The following STXBP6 variants were observed in gnomAD, a reference collection of about 807,000 sequenced individuals.
The protein encoded by STXBP6 is syntaxin-binding protein 6.
Under a neutral mutation model 26.9 loss-of-function variants are expected in STXBP6, and 21 were observed. That is an observed-to-expected ratio of 0.78 (90% confidence interval 0.55 to 1.12). The LOEUF is 1.12. STXBP6 is among the 50% of genes most tolerant of loss of function. The probability of loss-of-function intolerance (pLI) is 0.00; values close to 1 mark genes in which losing one functional copy is unlikely to be tolerated. For synonymous variants in STXBP6, 97 were observed against 92.6 expected (o/e 1.05, Z -0.27); for missense variants, 232 against 257.9 (o/e 0.90, Z 0.69).
chr14:24,826,012 TTG>T (rs1179934676), intron 4 of STXBP6, among the ~76,000 whole-genome samples: 1 of 147,894 alleles, frequency 6.8e-6, no homozygotes, highest in Non-Finnish European at 1.5e-5. Flanking sequence ...GGCTCTAAAT[TTG>T]GTAAAACAGA....
intron 2 of STXBP6, among the ~76,000 whole-genome samples, chr14:24,940,064 A>G: frequency 6.6e-6 from 1 of 152,208 alleles, no homozygotes; most frequent in Non-Finnish European, 1.5e-5. Context: ...TTTTTGAGAA[A>G]TCTGATATAT....
intron 2 of STXBP6, among the ~76,000 whole-genome samples, chr14:24,942,100 G>C (rs2072824627): frequency 1.3e-5 from 2 of 152,194 alleles, no homozygotes; most frequent in African/African-American, 4.8e-5. Flanking sequence ...CTTGTAAAAA[G>C]CAATGATTCA....
intron 1 of STXBP6, among the ~76,000 whole-genome samples, chr14:25,044,960 C>T (rs79158371): frequency 0.3 from 46,217 of 151,972 alleles, 7,057 homozygotes; most frequent in Non-Finnish European, 0.31. Context: ...TGGAGACTTT[C>T]TTAGCCACTA....
At chr14:24,929,242 AAGG>A (rs2072292537) in intron 2 of STXBP6, among the ~76,000 whole-genome samples, 2 of 152,242 alleles carry the variant, frequency 1.3e-5, no homozygotes, top group Admixed American at 1.3e-4. Context: ...TTCTAAAATC[AAGG>A]AGTTCTCAGA....
intron 1 of STXBP6, among the ~76,000 whole-genome samples, chr14:25,036,214 CA>C (rs559433301): frequency 0.022 from 1,740 of 80,690 alleles, 25 homozygotes; most frequent in East Asian, 0.1. Flanking sequence ...AAGACTCCAT[CA>C]AAAAAAAAAA....
At chr14:24,901,004 G>A (rs112863930) in intron 2 of STXBP6, among the ~76,000 whole-genome samples, 1 of 152,140 alleles carries the variant, frequency 6.6e-6, no homozygotes, top group Non-Finnish European at 1.5e-5. Context: ...GTTACCGCTG[G>A]ACAGACTAAG....
intron 2 of STXBP6, among the ~76,000 whole-genome samples, chr14:24,945,753 A>G (rs941367892): frequency 6.6e-6 from 1 of 152,202 alleles, no homozygotes; most frequent in African/African-American, 2.4e-5. Flanking sequence ...AGCATCAACT[A>G]TGTGCTAGGC....
intron 1 of STXBP6, among the ~76,000 whole-genome samples, chr14:24,983,388 C>T (rs1045511275): frequency 6.6e-6 from 1 of 152,158 alleles, no homozygotes; most frequent in Non-Finnish European, 1.5e-5. Context: ...CAAATCTATT[C>T]CAACCATGTT....
Position 24,985,971 on chromosome 14 carries a change from T to C in STXBP6, c.-32-11121A>G, listed in dbSNP as rs549029532. 2.0e-5 allele frequency among the ~76,000 whole-genome samples: 3 copies of C among 152,306 alleles called. No individual in the cohort carries two copies. In the East Asian group the frequency reaches 5.8e-4, roughly 29 times the overall value. ...AACCAATATTAGGGCTAAATATTGC[T>C]CTCGACTTTTTTAAGTAAAAAACAG... On this transcript the variant is annotated intron_variant, in intron 1 of 5. Coordinates refer to ENST00000323944, the MANE Select transcript of STXBP6 (RefSeq NM_001394410.1).
chr14:24,984,958 G>C (rs1008713063), intron 1 of STXBP6, among the ~76,000 whole-genome samples: 1 of 152,164 alleles, frequency 6.6e-6, no homozygotes, highest in African/African-American at 2.4e-5. Flanking sequence ...GGAAAGGTGA[G>C]GCTGGAATGC....
chr14:24,966,984 G>A (rs2073754229), intron 2 of STXBP6, among the ~76,000 whole-genome samples: 2 of 152,202 alleles, frequency 1.3e-5, no homozygotes, highest in Admixed American at 6.5e-5. Flanking sequence ...GAGAGGGTAA[G>A]AAAAGGCGTT....
At chr14:25,004,998 C>T (rs998582892) in intron 1 of STXBP6, among the ~76,000 whole-genome samples, 1 of 152,182 alleles carries the variant, frequency 6.6e-6, no homozygotes, top group Admixed American at 6.5e-5. Flanking sequence ...GTCTTTACTG[C>T]TCTCACTTAC....
chr14:24,966,060 T>A (rs1175656266), intron 2 of STXBP6, among the ~76,000 whole-genome samples: 2 of 152,160 alleles, frequency 1.3e-5, no homozygotes, highest in Non-Finnish European at 2.9e-5. Flanking sequence ...AAAACGAACA[T>A]AAGTGAGTGA....
At chr14:24,873,696 C>T (rs1037820129) in intron 2 of STXBP6, among the ~76,000 whole-genome samples, 1 of 152,172 alleles carries the variant, frequency 6.6e-6, no homozygotes, top group Non-Finnish European at 1.5e-5. Context: ...TAGTGTTGGA[C>T]AACAACCACT....
intron 2 of STXBP6, among the ~76,000 whole-genome samples, chr14:24,881,205 T>C (rs1054963796): frequency 2.0e-5 from 3 of 152,042 alleles, no homozygotes; most frequent in African/African-American, 4.8e-5. Flanking sequence ...GGGCCACTAA[T>C]TGAAGGGTAA....
At chr14:24,918,424 T>G (rs1193361145) in intron 2 of STXBP6, among the ~76,000 whole-genome samples, 1 of 146,702 alleles carries the variant, frequency 6.8e-6, no homozygotes, top group African/African-American at 2.5e-5. Flanking sequence ...TAAAAAGAGG[T>G]GATTATTTCT....
At chr14:25,023,440 T>G (rs1450925003) in intron 1 of STXBP6, among the ~76,000 whole-genome samples, 1 of 152,246 alleles carries the variant, frequency 6.6e-6, no homozygotes, top group East Asian at 1.9e-4. Flanking sequence ...CTTCCCAATT[T>G]ATTTTTAAGA....
chr14:24,994,421 T>C (rs1233303891), intron 1 of STXBP6, among the ~76,000 whole-genome samples: 2 of 152,196 alleles, frequency 1.3e-5, no homozygotes, highest in African/African-American at 4.8e-5. Context: ...TTCTCCCTCA[T>C]GCACCAAGCT....
intron 2 of STXBP6, among the ~76,000 whole-genome samples, chr14:24,874,100 G>A (rs1483315127): frequency 2.0e-5 from 3 of 152,044 alleles, no homozygotes; most frequent in Non-Finnish European, 4.4e-5. Flanking sequence ...TTAAGTAACG[G>A]CAATTTTTAA....
Sources: gnomAD v4.1 joint callset for allele counts (sites outside exome capture counted in the v4.1 genomes callset) on GRCh38, gnomAD v4.1.1 for gene constraint, MANE v1.5 for transcripts, NCBI Gene and HGNC (gene_info 2026-07-23, HGNC 2026-07-21) for gene names.